Variants in PDE4B observed in about 807,000 individuals in gnomAD.
The protein encoded by PDE4B is 3',5'-cyclic-AMP phosphodiesterase 4B.
A neutral mutation model predicts 82.2 loss-of-function variants in PDE4B; 20 were observed. The observed-to-expected ratio is 0.24, with a 90% confidence interval of 0.17 to 0.35. PDE4B has a LOEUF of 0.35. Among genes scored for constraint, PDE4B ranks in the 10% least tolerant of loss-of-function variants. PDE4B has a pLI of 1.00. For synonymous variants in PDE4B, 320 were observed against 318.9 expected, an observed-to-expected ratio of 1.00 and a Z score of -0.04; for missense variants, 655 against 907.2, an observed-to-expected ratio of 0.72 and a Z score of 3.57.
At chr1:66,205,121 T>C (rs572144) in intron 3 of PDE4B, among the ~76,000 whole-genome samples, 70,561 of 152,106 alleles carry the variant, frequency 0.46, 16,578 homozygotes, top group African/African-American at 0.53. Context: ...CATTATACTC[T>C]CTCTCCTTTC....
intron 1 of PDE4B, among the ~76,000 whole-genome samples, chr1:65,889,250 T>C (rs1214306709): frequency 6.6e-6 from 1 of 152,200 alleles, no homozygotes; most frequent in African/African-American, 2.4e-5. Context: ...GATTTGCATA[T>C]ATTGAATCAT....
At chr1:65,799,013 C>A (rs1017758458) in intron 1 of PDE4B, among the ~76,000 whole-genome samples, 1 of 152,024 alleles carries the variant, frequency 6.6e-6, no homozygotes, top group Admixed American at 6.5e-5. Context: ...GACACTTTAA[C>A]CTTAGAGAAA....
intron 3 of PDE4B, among the ~76,000 whole-genome samples, chr1:65,934,639 A>T (rs756209262): frequency 6.6e-6 from 1 of 152,234 alleles, no homozygotes; most frequent in Non-Finnish European, 1.5e-5. Context: ...TGTCTATAAG[A>T]AACTCACTTT....
chr1:65,853,556 A>G (rs533334400), intron 1 of PDE4B, among the ~76,000 whole-genome samples: 1 of 148,662 alleles, frequency 6.7e-6, no homozygotes, highest in East Asian at 2.0e-4. Context: ...TTTGAGACGG[A>G]GTCTCACTCT....
chr1:66,051,628 A>G (rs1420900410), intron 3 of PDE4B, among the ~76,000 whole-genome samples: 1 of 152,184 alleles, frequency 6.6e-6, no homozygotes, highest in Admixed American at 6.6e-5. Context: ...GACAGTTTAC[A>G]AAGTGAATGA....
chr1:66,283,612 AT>A (rs887470455), intron 7 of PDE4B, among the ~76,000 whole-genome samples: 66 of 152,022 alleles, frequency 4.3e-4, no homozygotes, highest in African/African-American at 1.5e-3. Flanking sequence ...ATAATTTGGA[AT>A]TTTTTTTCTC....
chr1:65,882,911 A>T (rs1646725397), intron 1 of PDE4B, among the ~76,000 whole-genome samples: 1 of 152,196 alleles, frequency 6.6e-6, no homozygotes, highest in Non-Finnish European at 1.5e-5. Context: ...AAATGAACTC[A>T]TCTCATTAGA....
At chr1:66,299,491 A>G (rs1162580690) in intron 7 of PDE4B, among the ~76,000 whole-genome samples, 1 of 152,090 alleles carries the variant, frequency 6.6e-6, no homozygotes, top group African/African-American at 2.4e-5. Flanking sequence ...CTAATTCCAT[A>G]TCTTGGCTAT....
At chr1:66,133,184 T>A (rs888128346) in intron 3 of PDE4B, among the ~76,000 whole-genome samples, 1 of 152,174 alleles carries the variant, frequency 6.6e-6, no homozygotes, top group Non-Finnish European at 1.5e-5. Context: ...CTCTGTTTTT[T>A]TCAGTGAGTG....
chr1:66,079,818 C>T (rs1656630885), intron 3 of PDE4B, among the ~76,000 whole-genome samples: 1 of 152,074 alleles, frequency 6.6e-6, no homozygotes, highest in Non-Finnish European at 1.5e-5. Context: ...TATTAAAATA[C>T]AATTTGTTAA....
chr1:66,369,922 C>T (rs563007744), intron 16 of PDE4B, among the ~76,000 whole-genome samples: 21 of 151,848 alleles, frequency 1.4e-4, no homozygotes, highest in East Asian at 3.9e-4. Context: ...CTGAGGTGGA[C>T]GGATCACCTG....
At chr1:65,854,878 T>C (rs1646374062) in intron 1 of PDE4B, among the ~76,000 whole-genome samples, 1 of 151,950 alleles carries the variant, frequency 6.6e-6, no homozygotes, top group African/African-American at 2.4e-5. Flanking sequence ...TTTTTGTTTA[T>C]TGTTTTCCTA....
In PDE4B at chr1:66,108,999, T is replaced by G. The variant is rs1645428597; in HGVS notation, c.282-138461T>G. ...TCCATTATATGCATTTTCTACTCAA[T>G]GTCTTCACTGTAGTATTGATGGTGG... On this transcript the variant is annotated intron_variant, in intron 3 of 16. Transcript: ENST00000341517. Among the ~76,000 whole-genome samples the G allele has an allele frequency of 2.0e-5, 3 of 151,986 alleles. No homozygotes were observed. In the Admixed American group the frequency reaches 2.0e-4, roughly 10 times the overall value.
intron 3 of PDE4B, chr1:66,046,244 A>G (rs548697247): frequency 7.9e-5 from 12 of 151,806 alleles, no homozygotes; most frequent in Non-Finnish European, 1.6e-4. Context: ...GCAGGAACAG[A>G]TGCAGATTTT....
At chr1:66,359,542 A>G (rs1017857787) in intron 9 of PDE4B, among the ~76,000 whole-genome samples, 1 of 152,222 alleles carries the variant, frequency 6.6e-6, no homozygotes, top group African/African-American at 2.4e-5. Context: ...TTTGTGAATA[A>G]TGGTCTTCTT....
chr1:66,146,173 C>CTT (rs36027532), intron 3 of PDE4B, among the ~76,000 whole-genome samples: 4,997 of 49,272 alleles, frequency 0.1, 1,640 homozygotes, highest in Non-Finnish European at 0.15. Flanking sequence ...GGGTAGCATG[C>CTT]TTTTTTTTTT....
At chr1:66,089,182 T>C (rs935942555) in intron 3 of PDE4B, among the ~76,000 whole-genome samples, 2 of 152,110 alleles carry the variant, frequency 1.3e-5, no homozygotes, top group Admixed American at 6.6e-5. Flanking sequence ...TTCTTCATTT[T>C]TGGAAATAAT....
chr1:66,228,644 CAT>C (rs1651674864), intron 3 of PDE4B, among the ~76,000 whole-genome samples: 1 of 138,178 alleles, frequency 7.2e-6, no homozygotes, highest in Non-Finnish European at 1.6e-5. Context: ...AAAAAAAAAA[CAT>C]GCTATAGTGA....
At chr1:66,216,404 C>T (rs1416312) in intron 3 of PDE4B, among the ~76,000 whole-genome samples, 75,934 of 151,636 alleles carry the variant, frequency 0.5, 20,328 homozygotes, top group East Asian at 0.73. Context: ...TTAATTTATC[C>T]CCAACAGAGT....
Sources: allele counts gnomAD v4.1 joint callset (sites outside exome capture counted in the v4.1 genomes callset), GRCh38; gene constraint gnomAD v4.1.1; transcripts MANE v1.5; gene names NCBI Gene and HGNC (gene_info 2026-07-23, HGNC 2026-07-21).